The following FAM204A variants were observed in gnomAD, a reference collection of about 807,000 sequenced individuals.
FAM204A encodes family with sequence similarity 204 member A.
FAM204A carries 16 observed loss-of-function variants against 35.4 expected under a neutral mutation model. The observed-to-expected ratio is 0.45, with a 90% confidence interval of 0.31 to 0.69. FAM204A has a LOEUF of 0.69. FAM204A is among the 30% of genes least tolerant of loss of function. The pLI is 0.07. For synonymous variants in FAM204A, 76 were observed against 86.9 expected, an observed-to-expected ratio of 0.88 and a Z score of 0.70; for missense variants, 240 against 265.7, an observed-to-expected ratio of 0.90 and a Z score of 0.67.
At position 118,300,741 on chromosome 10, in the gene FAM204A, G is replaced by A. The variant is rs1845800302; in HGVS notation, c.*10116C>T. 6.6e-6 allele frequency: 1 copy of A among 152,240 alleles called. No homozygotes were observed. The highest frequency in any genetic ancestry group is 1.5e-5 in the Non-Finnish European group (1 of 68,074). The allele number at this position is 152,240 out of a possible 1,614,324, so 9.4% of individuals were successfully genotyped here. A position where few individuals can be genotyped will look rare whatever the true frequency, so the allele number is the denominator to read the frequency against. ...CAGGGACATACTGAGTTGGGGTTTG[G>A]TGGTTCCAAGGAAAGCAGCTTCCAC... On this transcript the variant is annotated 3_prime_UTR_variant, in exon 9 of 9. Coordinates refer to ENST00000369183, the MANE Select transcript of FAM204A (RefSeq NM_022063.3).
At chr10:118,333,535 C>G (rs1564762999) in intron 6 of FAM204A, among the ~76,000 whole-genome samples, 1 of 152,176 alleles carries the variant, frequency 6.6e-6, no homozygotes, top group Non-Finnish European at 1.5e-5. Context: ...CCATTTAAAC[C>G]AACGATCCCA....
rs540758619 is a variant in FAM204A at position 118,301,308 on chromosome 10, T to C, written c.*9549A>G. ...CCCTACTTGCAACTTAGCAAGTCAG[T>C]TGGCCAGTTTTACAAATGCTGATAG... On this transcript the variant is annotated 3_prime_UTR_variant, in exon 9 of 9. Transcript: ENST00000369183. The C allele has an allele frequency of 2.1e-4, 32 of 152,326 alleles. No homozygotes were observed. Among genetic ancestry groups the C allele is most frequent in the African/African-American group, 7.7e-4 (32 of 41,574 alleles). The allele number at this position is 152,326 out of a possible 1,614,324, so 9.4% of individuals were successfully genotyped here.
Position 118,311,213 on chromosome 10 carries a change from G to C in FAM204A, c.644C>G (p.Ala215Gly). The change falls in exon 8 of 9, where the codon GCA becomes GGA. Residue 215 changes from alanine to glycine, a missense_variant. Ala to Gly is a moderately conservative substitution (Grantham distance 60). Transcript: ENST00000369183. ...SQAARKKKKL[A>G]WGFEAKKRWE... ...AAATCTTAAGTAAACTCACCCCCAT[G>C]CAAGTTTCTTCTTTTTTCGGGCAGC... 6.2e-7 allele frequency: 1 copy of C among 1,608,448 alleles called. No individual in the cohort carries two copies. Among genetic ancestry groups the C allele is most frequent in the Non-Finnish European group, 8.5e-7 (1 of 1,178,946 alleles).
Position 118,304,779 on chromosome 10 carries a change from C to A in FAM204A, c.*6078G>T, listed in dbSNP as rs1419254525. The A allele has an allele frequency of 6.6e-6, 1 of 152,258 alleles. No homozygotes were observed. The highest frequency in any genetic ancestry group is 2.4e-5 in the African/African-American group (1 of 41,452). The allele number at this position is 152,258 out of a possible 1,614,324, so 9.4% of individuals were successfully genotyped here. A position where few individuals can be genotyped will look rare whatever the true frequency, so the allele number is the denominator to read the frequency against. ...GGTAATATGAACAGCTACTTTGACT[C>A]AGCTCTGTCAACACACCCAAGTAAA... On this transcript the variant is annotated 3_prime_UTR_variant, in exon 9 of 9. Transcript: ENST00000369183.
At position 118,314,119 on chromosome 10, in the gene FAM204A, T is replaced by C. The variant is rs562733724; in HGVS notation, c.544-2806A>G. Among the ~76,000 whole-genome samples the C allele has an allele frequency of 5.3e-5, 8 of 152,332 alleles. No individual in the cohort carries two copies. In the South Asian group the frequency reaches 1.7e-3, roughly 32 times the overall value. Reference sequence around the variant, plus strand: ...GTATATGCTTGTTAAAAATAATTCATTAGAACGTATTAATAAGCAGCCATT... The same window carrying C: ...GTATATGCTTGTTAAAAATAATTCACTAGAACGTATTAATAAGCAGCCATT... On this transcript the variant is annotated intron_variant, in intron 7 of 8. Coordinates refer to ENST00000369183, the MANE Select transcript of FAM204A (RefSeq NM_022063.3).
At position 118,336,213 on chromosome 10, in the gene FAM204A, C is replaced by T; in HGVS notation, c.203G>A (p.Cys68Tyr). 1 of 1,613,812 alleles carries T rather than the reference C, an allele frequency of 6.2e-7. No individual in the cohort carries two copies. Among genetic ancestry groups the T allele is most frequent in the East Asian group, 2.2e-5 (1 of 44,876 alleles). Residue 68 changes from cysteine (C) to tyrosine (Y), a missense_variant, in exon 3 of 9, where the codon TGT (cysteine) becomes TAT (tyrosine). Physicochemically the swap from Cys to Tyr is radical, Grantham distance 194. Transcript: ENST00000369183. ...CATATCTATGGGAATTCCAGAAGGA[C>T]ACTCTTCATAGGCATTTACATTTGA... ...TESNVNAYEE[C>Y]PSGIPIDMWN...
chr10:118,311,123 A>G (rs1249975719), intron 8 of FAM204A, 84 bp downstream of exon 8: 1 of 1,286,228 alleles, frequency 7.8e-7, no homozygotes, highest in Non-Finnish European at 1.1e-6. Flanking sequence ...GTTAACAGTT[A>G]TACACGAACT....
chr10:118,305,832 G>C lies in FAM204A; in HGVS notation c.*5025C>G, dbSNP rs868188110. The stretch of plus-strand genomic sequence containing the variant: ...AGGGAGAAATTCAAAGAAACGCAAA[G>C]CTTCATTGTTTCACTATTCCTTGTG... On this transcript the variant is annotated 3_prime_UTR_variant, in exon 9 of 9. Coordinates refer to ENST00000369183, the MANE Select transcript of FAM204A (RefSeq NM_022063.3). 1.3e-5 allele frequency: 2 copies of C among 152,174 alleles called. No individual in the cohort carries two copies. Among genetic ancestry groups the C allele is most frequent in the South Asian group, 2.1e-4 (1 of 4,834 alleles). The allele number at this position is 152,174 out of a possible 1,614,324, so 9.4% of individuals were successfully genotyped here. A position where few individuals can be genotyped will look rare whatever the true frequency, so the allele number is the denominator to read the frequency against.
rs1360757116 is a variant in FAM204A at position 118,307,047 on chromosome 10, A to G, written c.*3810T>C. 6.6e-6 allele frequency: 1 copy of G among 152,242 alleles called. No individual in the cohort carries two copies. The highest frequency in any genetic ancestry group is 1.9e-4 in the East Asian group (1 of 5,202). 9.4% of individuals were successfully genotyped at this position (152,242 alleles called of 1,614,324 possible). A position where few individuals can be genotyped will look rare whatever the true frequency, so the allele number is the denominator to read the frequency against. On this transcript the variant is annotated 3_prime_UTR_variant, in exon 9 of 9. Coordinates refer to ENST00000369183, the MANE Select transcript of FAM204A (RefSeq NM_022063.3). Reference sequence around the variant, plus strand: ...TATCCTACAAAGGCCAAGAATATATATTGATAAATTTATTCTAACACATAT... The same window carrying G: ...TATCCTACAAAGGCCAAGAATATATGTTGATAAATTTATTCTAACACATAT...
Position 118,336,216 on chromosome 10 carries a change from T to A in FAM204A, c.200A>T (p.Glu67Val). 1 of 1,613,814 alleles carries A rather than the reference T, an allele frequency of 6.2e-7. No homozygotes were observed. The highest frequency in any genetic ancestry group is 8.5e-7 in the Non-Finnish European group (1 of 1,179,764). ...ETESNVNAYEECPSGIPIDMW... is the reference protein window; with the variant it reads ...ETESNVNAYEVCPSGIPIDMW... ...ATCTATGGGAATTCCAGAAGGACACTCTTCATAGGCATTTACATTTGACTC... is the reference window on the plus strand; with the variant it reads ...ATCTATGGGAATTCCAGAAGGACACACTTCATAGGCATTTACATTTGACTC... The change falls in exon 3 of 9, where the codon GAG becomes GTG. Residue 67 changes from glutamate (E) to valine (V), a missense_variant. Physicochemically the swap from Glu to Val is moderately radical, Grantham distance 121. Around this residue, in one of 2 missense-constraint regions of FAM204A, gnomAD observed 232 missense variants for 242.8 expected, o/e 0.96. Transcript: ENST00000369183.
intron 7 of FAM204A, among the ~76,000 whole-genome samples, chr10:118,319,274 C>T (rs7908995): frequency 6.3e-4 from 96 of 152,094 alleles, no homozygotes; most frequent in African/African-American, 2.2e-3. Context: ...TAACAGTCTG[C>T]TCAAATTTAG....
intron 3 of FAM204A, chr10:118,335,947 C>G: frequency 1.8e-6 from 1 of 552,068 alleles, no homozygotes; most frequent in East Asian, 3.0e-5. Context: ...ACAGCTAATA[C>G]TACATAGTGG....
At chr10:118,341,058 G>A (rs1001465274) in intron 2 of FAM204A, among the ~76,000 whole-genome samples, 1 of 152,140 alleles carries the variant, frequency 6.6e-6, no homozygotes, top group Non-Finnish European at 1.5e-5. Context: ...AGAAAGCTAT[G>A]CAAGATGCTA....
intron 2 of FAM204A, among the ~76,000 whole-genome samples, chr10:118,338,666 T>C (rs1361698203): frequency 2.6e-5 from 4 of 152,242 alleles, no homozygotes; most frequent in Non-Finnish European, 5.9e-5. Flanking sequence ...TGCTCAGTTT[T>C]TGAGCCAAGT....
rs755834922 is a variant in FAM204A at position 118,335,074 on chromosome 10, T to G, written c.453+40A>C. ...TTAGGCGAGGCTAATCACAAACATA[T>G]CCTACTAGCTGGTATAAGATGCAAT... On this transcript the variant is annotated intron_variant, in intron 6 of 8. Transcript: ENST00000369183. 6 of 1,420,328 alleles carry G rather than the reference T, an allele frequency of 4.2e-6. No individual in the cohort carries two copies. In the Admixed American group the frequency reaches 5.3e-5, roughly 12 times the overall value. 88.0% of individuals were successfully genotyped at this position (1,420,328 alleles called of 1,614,324 possible). A position where few individuals can be genotyped will look rare whatever the true frequency, so the allele number is the denominator to read the frequency against.
intron 7 of FAM204A, among the ~76,000 whole-genome samples, chr10:118,322,811 G>GT (rs1846139241): frequency 6.6e-6 from 1 of 151,966 alleles, no homozygotes; most frequent in Non-Finnish European, 1.5e-5. Flanking sequence ...GGGTGTTGTT[G>GT]TTTTTTTAAG....
intron 7 of FAM204A, among the ~76,000 whole-genome samples, chr10:118,321,675 CT>C (rs1376186242): frequency 1.6e-5 from 2 of 125,758 alleles, no homozygotes; most frequent in Non-Finnish European, 3.2e-5. Context: ...TGGAAAACAT[CT>C]AGTCAGTATC....
intron 7 of FAM204A, among the ~76,000 whole-genome samples, chr10:118,319,425 C>G (rs1846078678): frequency 6.6e-6 from 1 of 151,670 alleles, no homozygotes; most frequent in Admixed American, 6.6e-5. Flanking sequence ...TTTTGAAATC[C>G]AAAAATCTAA....
Position 118,310,523 on chromosome 10 carries a change from G to A in FAM204A, c.*334C>T. On this transcript the variant is annotated 3_prime_UTR_variant, in exon 9 of 9. Coordinates refer to ENST00000369183, the MANE Select transcript of FAM204A (RefSeq NM_022063.3). ...AAAAAAAAGAAAGAAAGTACGAGAA[G>A]CTCACTGGCTGTGCTAAACCAAATG... 4.5e-6 allele frequency: 1 copy of A among 221,438 alleles called. No homozygotes were observed. The highest frequency in any genetic ancestry group is 9.9e-5 in the South Asian group (1 of 10,054). The allele number at this position is 221,438 out of a possible 1,614,324, so 13.7% of individuals were successfully genotyped here. A position where few individuals can be genotyped will look rare whatever the true frequency, so the allele number is the denominator to read the frequency against.
Sources: allele counts gnomAD v4.1 joint callset (sites outside exome capture counted in the v4.1 genomes callset), GRCh38; gene constraint gnomAD v4.1.1; regional missense constraint gnomAD v4.1.1; transcripts MANE v1.5; gene names NCBI Gene and HGNC (gene_info 2026-07-23, HGNC 2026-07-21).